KCNK3: variants seen among roughly 807,000 people sequenced by gnomAD.
KCNK3 encodes the protein potassium two pore domain channel subfamily K member 3, also known as potassium channel subfamily K member 3.
In KCNK3, 9 loss-of-function variants were observed where a neutral mutation model predicts 27.3. The observed-to-expected ratio is 0.33, with a 90% confidence interval of 0.20 to 0.57. The LOEUF (loss-of-function observed/expected upper bound fraction) is 0.57. Among genes scored for constraint, KCNK3 ranks in the 20% least tolerant of loss-of-function variants. The probability of loss-of-function intolerance (pLI) is 0.87; values close to 1 mark genes in which losing one functional copy is unlikely to be tolerated. For missense variants in KCNK3, 391 were observed against 577.7 expected, an observed-to-expected ratio of 0.68 and a Z score of 3.31; for synonymous variants, 278 against 273.8, an observed-to-expected ratio of 1.02 and a Z score of -0.15.
At chr2:26,704,740 C>T (rs1403635112) in intron 1 of KCNK3, among the ~76,000 whole-genome samples, 1 of 152,218 alleles carries the variant, frequency 6.6e-6, no homozygotes, top group East Asian at 1.9e-4. Context: ...CAGACAGTTC[C>T]AGGCAGGGCA....
At position 26,728,207 on chromosome 2, in the gene KCNK3, G is replaced by T. The variant is rs764611480; in HGVS notation, c.824G>T (p.Gly275Val). Residue 275 changes from glycine to valine, a missense_variant, in exon 2 of 2, where the codon GGG becomes GTG. Physicochemically the swap from Gly to Val is moderately radical, Grantham distance 109 (BLOSUM62 -3). This residue lies in a region of KCNK3 where 192 missense variants were observed against 196.0 expected (regional missense o/e 0.98). Coordinates refer to ENST00000302909, the MANE Select transcript of KCNK3 (RefSeq NM_002246.3). ...TRNGQAGGGGGGGSAHTTDTA... is the reference protein window; with the variant it reads ...TRNGQAGGGGVGGSAHTTDTA... ...AACGGGCAGGCGGGCGGCGGCGGAG[G>T]GGGTGGCAGCGCGCACACTACGGAC... 4.5e-6 allele frequency: 7 copies of T among 1,562,638 alleles called. No homozygotes were observed. Among genetic ancestry groups the T allele is most frequent in the South Asian group, 1.2e-5 (1 of 86,348 alleles).
chr2:26,703,883 C>T (rs372933739), intron 1 of KCNK3, among the ~76,000 whole-genome samples: 26 of 152,288 alleles, frequency 1.7e-4, no homozygotes, highest in African/African-American at 5.5e-4. Context: ...GCATGACACA[C>T]GCCAGGGCAT....
At chr2:26,717,751 C>A (rs956152378) in intron 1 of KCNK3, among the ~76,000 whole-genome samples, 1 of 152,066 alleles carries the variant, frequency 6.6e-6, no homozygotes, top group Non-Finnish European at 1.5e-5. Context: ...CTGCCCAGGA[C>A]CCCCAGGATA....
chr2:26,699,207 G>GAAAAAGAA (rs71399402), intron 1 of KCNK3, among the ~76,000 whole-genome samples: 1 of 130,966 alleles, frequency 7.6e-6, no homozygotes, highest in Admixed American at 8.3e-5. Context: ...AGGAAAGAGA[G>GAAAAAGAA]AGAAAGAAAG....
chr2:26,715,013 T>C (rs1383870334), intron 1 of KCNK3, among the ~76,000 whole-genome samples: 1 of 152,226 alleles, frequency 6.6e-6, no homozygotes, highest in Non-Finnish European at 1.5e-5. Context: ...TGTGGCCTTG[T>C]CCAAATCACC....
rs1247025744 is a variant in KCNK3, at chr2:26,693,180, G to A, written c.283+22G>A. 2.8e-6 allele frequency: 4 copies of A among 1,406,328 alleles called. No individual in the cohort carries two copies. The highest frequency in any genetic ancestry group is 6.7e-5 in the East Asian group (2 of 29,806). The allele number at this position is 1,406,328 out of a possible 1,614,324, so 87.1% of individuals were successfully genotyped here. ...ATCGGTAACGGCTCGCCGGGCGGGG[G>A]GCGGGAACCCAGGGCTGGGCGCGGG... On this transcript the variant is annotated intron_variant, in intron 1 of 1. Coordinates refer to ENST00000302909, the MANE Select transcript of KCNK3 (RefSeq NM_002246.3). The surrounding 1 kb of genome is among the most constrained non-coding windows in gnomAD (Gnocchi z 5.5).
chr2:26,710,580 G>T (rs535278609), intron 1 of KCNK3, among the ~76,000 whole-genome samples: 6 of 152,308 alleles, frequency 3.9e-5, no homozygotes, highest in South Asian at 2.1e-4. Flanking sequence ...GACAGTGTAG[G>T]GGGGAAGAGG....
At chr2:26,713,658 C>T (rs893618520) in intron 1 of KCNK3, among the ~76,000 whole-genome samples, 1 of 151,738 alleles carries the variant, frequency 6.6e-6, no homozygotes, top group African/African-American at 2.4e-5. Context: ...ATCCCAACTA[C>T]TTGGGAGGCT....
chr2:26,709,807 C>T (rs773092789), intron 1 of KCNK3, among the ~76,000 whole-genome samples: 2 of 152,170 alleles, frequency 1.3e-5, no homozygotes, highest in African/African-American at 2.4e-5. Flanking sequence ...CCCAGCAAGG[C>T]GATGGGCGCA....
rs912099822 is a variant in KCNK3, at chr2:26,729,871, GC to G, written c.*1306del. ...AAAAAAATGGCAAAGGGAGACAAGA[GC>G]CCAGCCTGCTTGTTGCTAGCCAAAG... is the stretch of plus-strand genomic sequence containing the variant. On this transcript the variant is annotated 3_prime_UTR_variant, in exon 2 of 2. Coordinates refer to ENST00000302909, the MANE Select transcript of KCNK3 (RefSeq NM_002246.3). The G allele has an allele frequency of 6.6e-6, 1 of 151,622 alleles. No individual in the cohort carries two copies. The highest frequency in any genetic ancestry group is 2.4e-5 in the African/African-American group (1 of 41,150). The allele number at this position is 151,622 out of a possible 1,614,324, so 9.4% of individuals were successfully genotyped here. A position where few individuals can be genotyped will look rare whatever the true frequency, so the allele number is the denominator to read the frequency against.
At chr2:26,716,318 T>C (rs1663231492) in intron 1 of KCNK3, among the ~76,000 whole-genome samples, 1 of 152,146 alleles carries the variant, frequency 6.6e-6, no homozygotes, top group African/African-American at 2.4e-5. Context: ...ATAGAATGTA[T>C]AGAGATTGCT....
chr2:26,710,103 T>C (rs771051364), intron 1 of KCNK3, among the ~76,000 whole-genome samples: 16 of 152,202 alleles, frequency 1.1e-4, no homozygotes, highest in Non-Finnish European at 2.2e-4. Context: ...TCCCACCCTG[T>C]CCTTGCGAGA....
chr2:26,714,822 G>T (rs1454695747), intron 1 of KCNK3, among the ~76,000 whole-genome samples: 2 of 152,028 alleles, frequency 1.3e-5, no homozygotes, highest in Admixed American at 6.6e-5. Flanking sequence ...GGAGGCGGAG[G>T]TTGCAGTGAG....
At chr2:26,709,280 T>C (rs1269334999) in intron 1 of KCNK3, among the ~76,000 whole-genome samples, 1 of 152,050 alleles carries the variant, frequency 6.6e-6, no homozygotes, top group Admixed American at 6.5e-5. Context: ...AGTTATCAGA[T>C]AGAAATAATA....
rs1253225705 is a variant in KCNK3, at chr2:26,711,150, C to T, written c.284-16517C>T. Among the ~76,000 whole-genome samples the T allele has an allele frequency of 2.6e-5, 4 of 152,326 alleles. No homozygotes were observed. In the East Asian group the frequency reaches 7.7e-4, roughly 29 times the overall value. ...CAGGTGGGCTGGCAGCAGAAGACCC[C>T]TGGGAAATTACCACGTCTCTGTCAT... On this transcript the variant is annotated intron_variant, in intron 1 of 1. Coordinates refer to ENST00000302909, the MANE Select transcript of KCNK3 (RefSeq NM_002246.3).
At chr2:26,712,391 G>A (rs115839586) in intron 1 of KCNK3, among the ~76,000 whole-genome samples, 2,831 of 152,262 alleles carry the variant, frequency 0.019, 95 homozygotes, top group African/African-American at 0.066. Flanking sequence ...ATGTTTCTAC[G>A]GAGAGTGGTG....
At chr2:26,709,128 G>A (rs1663052444) in intron 1 of KCNK3, among the ~76,000 whole-genome samples, 1 of 152,174 alleles carries the variant, frequency 6.6e-6, no homozygotes, top group Non-Finnish European at 1.5e-5. Context: ...AACATCCAGA[G>A]AGTAGCAGGT....
rs1245015329 is a variant in KCNK3 at position 26,730,177 on chromosome 2, A to G, written c.*1609A>G. On this transcript the variant is annotated 3_prime_UTR_variant, in exon 2 of 2. Transcript: ENST00000302909. ...TGGGTCTCATGGCAGAAAGGCCAGG[A>G]TCTGGGGCTCTAGGAATTTGGGAAT... 6.6e-6 allele frequency: 1 copy of G among 152,526 alleles called. No individual in the cohort carries two copies. The highest frequency in any genetic ancestry group is 2.4e-5 in the African/African-American group (1 of 41,448). The allele number at this position is 152,526 out of a possible 1,614,324, so 9.4% of individuals were successfully genotyped here. A position where few individuals can be genotyped will look rare whatever the true frequency, so the allele number is the denominator to read the frequency against.
intron 1 of KCNK3, among the ~76,000 whole-genome samples, chr2:26,726,106 C>CAGAGAGAG (rs1168877805): frequency 1.6e-4 from 13 of 81,720 alleles, no homozygotes; most frequent in African/African-American, 7.3e-4. Flanking sequence ...CACACACACA[C>CAGAGAGAG]AGAGAGAGAG....
Sources: allele counts gnomAD v4.1 joint callset (sites outside exome capture counted in the v4.1 genomes callset), GRCh38; gene constraint gnomAD v4.1.1; regional missense constraint gnomAD v4.1.1; non-coding constraint Gnocchi (gnomAD v3.1); transcripts MANE v1.5; gene names NCBI Gene and HGNC (gene_info 2026-07-23, HGNC 2026-07-21).